CAPRIN1: variants seen among roughly 807,000 people sequenced by gnomAD.
CAPRIN1 encodes the protein cell cycle associated protein 1.
Under a neutral mutation model 100.9 loss-of-function variants are expected in CAPRIN1, and 29 were observed. The observed-to-expected ratio is 0.29, with a 90% CI of 0.21 to 0.39. CAPRIN1 has a LOEUF of 0.39. Among genes scored for constraint, CAPRIN1 ranks in the 10% least tolerant of loss-of-function variants. The pLI, the probability that CAPRIN1 is intolerant of heterozygous loss-of-function variation, is 1.00. For synonymous variants in CAPRIN1, 338 were observed against 307.5 expected (o/e 1.10, Z -1.04); for missense variants, 795 against 876.7 (o/e 0.91, Z 1.18).
rs1228220757 is a variant in CAPRIN1, at chr11:34,102,189, T to C, written c.*2822T>C. Among the ~76,000 whole-genome samples, 1 of 152,214 alleles carries C rather than the reference T, an allele frequency of 6.6e-6. No homozygotes were observed. The highest frequency in any genetic ancestry group is 1.5e-5 in the Non-Finnish European group (1 of 68,030). On this transcript the variant is annotated 3_prime_UTR_variant, in exon 19 of 19. Transcript: ENST00000341394. ...CTTAAAGGAGACATAGAATGTGTGC[T>C]TATTCTCAGAAGGTTCATTAACTGA... is the stretch of plus-strand genomic sequence containing the variant.
intron 6 of CAPRIN1, among the ~76,000 whole-genome samples, chr11:34,077,275 T>G (rs1850926679): frequency 6.6e-6 from 1 of 152,234 alleles, no homozygotes; most frequent in Non-Finnish European, 1.5e-5. Flanking sequence ...TTAGATTGAC[T>G]TTCCACAGCT....
chr11:34,070,861 C>T (rs1850792832), intron 2 of CAPRIN1, among the ~76,000 whole-genome samples: 1 of 151,954 alleles, frequency 6.6e-6, no homozygotes, highest in Non-Finnish European at 1.5e-5. Flanking sequence ...CACCACCATG[C>T]CCAGCTGATT....
At chr11:34,072,432 G>T (rs992421776) in intron 4 of CAPRIN1, among the ~76,000 whole-genome samples, 7 of 152,070 alleles carry the variant, frequency 4.6e-5, no homozygotes, top group African/African-American at 1.7e-4. Context: ...TGTTAGCTCT[G>T]CAAATACATA....
chr11:34,087,810 A>G (rs1021832542), intron 11 of CAPRIN1, among the ~76,000 whole-genome samples: 2 of 152,142 alleles, frequency 1.3e-5, no homozygotes, highest in African/African-American at 4.8e-5. Flanking sequence ...CTGTAAGGCT[A>G]TTTAGTTATT....
intron 6 of CAPRIN1, among the ~76,000 whole-genome samples, chr11:34,078,160 G>A (rs1341450673): frequency 6.6e-6 from 1 of 152,060 alleles, no homozygotes; most frequent in Non-Finnish European, 1.5e-5. Context: ...CATTTGATTT[G>A]TATCTATAAC....
intron 2 of CAPRIN1, among the ~76,000 whole-genome samples, chr11:34,070,405 CT>C (rs1369901396): frequency 6.6e-6 from 1 of 152,084 alleles, no homozygotes; most frequent in Non-Finnish European, 1.5e-5. Flanking sequence ...TTTTTTTCCC[CT>C]TGGGGTGGGG....
intron 2 of CAPRIN1, among the ~76,000 whole-genome samples, chr11:34,069,860 G>T (rs900252824): frequency 1.6e-4 from 24 of 148,730 alleles, no homozygotes; most frequent in African/African-American, 5.5e-4. Flanking sequence ...GAATGGCTAG[G>T]CAAGTTGACA....
chr11:34,094,286 C>T (rs1044795469), intron 15 of CAPRIN1, among the ~76,000 whole-genome samples: 4 of 152,136 alleles, frequency 2.6e-5, no homozygotes, highest in African/African-American at 7.2e-5. Context: ...CTGCCTCAGG[C>T]CTCAGGTGAT....
chr11:34,095,972 TG>T (rs1851360843), intron 15 of CAPRIN1: 1 of 152,244 alleles, frequency 6.6e-6, no homozygotes, highest in Non-Finnish European at 1.5e-5. Flanking sequence ...ATGTAGTTGA[TG>T]ACATATTCTA....
intron 2 of CAPRIN1, among the ~76,000 whole-genome samples, chr11:34,058,657 C>T (rs1416757590): frequency 1.3e-5 from 2 of 152,000 alleles, no homozygotes; most frequent in Admixed American, 6.6e-5. Context: ...TTGCATTGTC[C>T]GGGTAATGGG....
At chr11:34,096,790 G>A in intron 16 of CAPRIN1, 117 bp downstream of exon 16, 1 of 674,916 alleles carries the variant, frequency 1.5e-6, no homozygotes, top group Non-Finnish European at 2.5e-6. Flanking sequence ...CCTCCTATGT[G>A]CAATTTAAAC....
At chr11:34,060,232 A>G (rs1326443455) in intron 2 of CAPRIN1, among the ~76,000 whole-genome samples, 1 of 150,332 alleles carries the variant, frequency 6.7e-6, no homozygotes, top group East Asian at 2.0e-4. Context: ...GGGTAGCATT[A>G]GCAAGATATG....
At chr11:34,063,054 G>C (rs1209752225) in intron 2 of CAPRIN1, 1 of 152,056 alleles carries the variant, frequency 6.6e-6, no homozygotes, top group Non-Finnish European at 1.5e-5. Context: ...CAATAAAGAA[G>C]CAAAGCCCAG....
chr11:34,080,817 C>G (rs771888367), intron 7 of CAPRIN1, among the ~76,000 whole-genome samples: 31 of 152,312 alleles, frequency 2.0e-4, no homozygotes, highest in Middle Eastern at 6.8e-3. Context: ...CAGTGCCTGA[C>G]ACGTGGTAAG....
chr11:34,064,621 T>C (rs1850650023), intron 2 of CAPRIN1, among the ~76,000 whole-genome samples: 1 of 152,372 alleles, frequency 6.6e-6, no homozygotes, highest in Non-Finnish European at 1.5e-5. Flanking sequence ...CCAATTGTCG[T>C]AAGAGGCTTT....
chr11:34,065,999 T>C (rs899791041), intron 2 of CAPRIN1, among the ~76,000 whole-genome samples: 1 of 152,226 alleles, frequency 6.6e-6, no homozygotes, highest in African/African-American at 2.4e-5. Context: ...GTAGTTTCTT[T>C]TGATCTCACT....
At chr11:34,053,722 A>T (rs1850386892) in intron 2 of CAPRIN1, 1 of 152,202 alleles carries the variant, frequency 6.6e-6, no homozygotes, top group Admixed American at 6.5e-5. Flanking sequence ...TCATCGCAGG[A>T]CAGTGTAAAC....
chr11:34,097,723 G>A lies in CAPRIN1; in HGVS notation c.2027G>A (p.Arg676Gln). The A allele has an allele frequency of 1.2e-6, 2 of 1,614,102 alleles. No homozygotes were observed. Among genetic ancestry groups the A allele is most frequent in the Non-Finnish European group, 1.7e-6 (2 of 1,179,962 alleles). Residue 676 changes from arginine to glutamine, a missense_variant, in exon 18 of 19, where the codon CGA (arginine) becomes CAA (glutamine). This residue lies in a region of CAPRIN1 where 648 missense variants were observed against 697.9 expected (regional missense o/e 0.93). Transcript: ENST00000341394. ...QRDGYQQNFK[R>Q]GSGQSGPRGA... ...GATGGATATCAGCAGAATTTCAAGC[G>A]AGGCTCTGGGCAGAGTGGACCACGG... is the stretch of plus-strand genomic sequence containing the variant.
intron 4 of CAPRIN1, among the ~76,000 whole-genome samples, chr11:34,072,313 C>CT (rs1850817781): frequency 7.4e-6 from 1 of 135,042 alleles, no homozygotes; most frequent in South Asian, 2.5e-4. Flanking sequence ...AAAACCCCAT[C>CT]TCTAAAAAAA....
Sources: gnomAD v4.1 joint callset for allele counts (sites outside exome capture counted in the v4.1 genomes callset) on GRCh38, gnomAD v4.1.1 for gene constraint, gnomAD v4.1.1 regional missense constraint, MANE v1.5 for transcripts, NCBI Gene and HGNC (gene_info 2026-07-23, HGNC 2026-07-21) for gene names.